IL1RAPL2: variants seen among roughly 807,000 people sequenced by gnomAD.
The protein encoded by IL1RAPL2 is X-linked interleukin-1 receptor accessory protein-like 2.
In IL1RAPL2, 3 loss-of-function variants were observed where a neutral mutation model predicts 44.1. The ratio of observed to expected loss-of-function variants is 0.07; its 90% CI spans 0.03 to 0.18. The LOEUF (loss-of-function observed/expected upper bound fraction) is 0.18. Ranked by LOEUF, IL1RAPL2 falls within the 10% of genes least tolerant of loss-of-function variation. IL1RAPL2 has a pLI of 1.00. For synonymous variants in IL1RAPL2, 181 were observed against 178.8 expected (o/e 1.01, Z -0.10); for missense variants, 391 against 496.4 (o/e 0.79, Z 2.02).
At chrX:105,647,291 A>C (rs1296597151) in intron 6 of IL1RAPL2, among the ~76,000 whole-genome samples, 1 of 111,755 alleles carries the variant, frequency 8.9e-6, no homozygotes, top group Non-Finnish European at 1.9e-5. Context: ...CCAGAAAAAA[A>C]CAAGGACCAG....
intron 1 of IL1RAPL2, among the ~76,000 whole-genome samples, chrX:104,618,220 T>C (rs943435584): frequency 9.0e-6 from 1 of 111,620 alleles, no homozygotes; most frequent in Non-Finnish European, 1.9e-5. Flanking sequence ...CTGTGGCCAA[T>C]GCAGTGGGGT....
intron 2 of IL1RAPL2, among the ~76,000 whole-genome samples, chrX:104,846,255 G>C (rs1922048136): frequency 9.1e-6 from 1 of 110,198 alleles, no homozygotes; most frequent in Admixed American, 9.7e-5. Context: ...ACACAGGTTT[G>C]TTACATATGT....
chrX:104,874,344 T>A (rs1240535237), intron 2 of IL1RAPL2, among the ~76,000 whole-genome samples: 1 of 100,642 alleles, frequency 9.9e-6, no homozygotes, highest in Non-Finnish European at 2.0e-5. Context: ...ATAGATAGGA[T>A]CATGGGCAGG....
intron 5 of IL1RAPL2, among the ~76,000 whole-genome samples, chrX:105,472,068 G>A (rs1178518881): frequency 9.2e-6 from 1 of 108,968 alleles, no homozygotes; most frequent in Non-Finnish European, 1.9e-5. Flanking sequence ...TGAGGGGTGG[G>A]ATGGAGGGGT....
chrX:104,981,791 T>A (rs531311523), intron 2 of IL1RAPL2, among the ~76,000 whole-genome samples: 109 of 111,596 alleles, frequency 9.8e-4, no homozygotes, highest in African/African-American at 3.5e-3. Context: ...CATGAAAGGA[T>A]GTTGGCTTTT....
At chrX:104,905,745 C>A (rs1310076190) in intron 2 of IL1RAPL2, among the ~76,000 whole-genome samples, 1 of 111,206 alleles carries the variant, frequency 9.0e-6, no homozygotes, top group East Asian at 2.8e-4. Flanking sequence ...TGTGATGCCT[C>A]CAGCTTTGTT....
At chrX:105,276,817 A>G (rs1430350159) in intron 5 of IL1RAPL2, among the ~76,000 whole-genome samples, 1 of 111,778 alleles carries the variant, frequency 8.9e-6, no homozygotes, top group African/African-American at 3.3e-5. Context: ...CATCTCTAGC[A>G]GTGAGTGGAA....
At chrX:105,345,065 A>T (rs6523839) in intron 5 of IL1RAPL2, among the ~76,000 whole-genome samples, 14,475 of 111,336 alleles carry the variant, frequency 0.13, 2,278 homozygotes, top group African/African-American at 0.45. Flanking sequence ...AAAGATTTAT[A>T]AGGTACAATC....
intron 2 of IL1RAPL2, among the ~76,000 whole-genome samples, chrX:104,911,065 T>C (rs1430014852): frequency 8.9e-6 from 1 of 112,051 alleles, no homozygotes; most frequent in Non-Finnish European, 1.9e-5. Context: ...ATAGAATGTA[T>C]AATTGATCAA....
At chrX:105,031,697 A>C (rs966603716) in intron 2 of IL1RAPL2, among the ~76,000 whole-genome samples, 89 of 111,802 alleles carry the variant, frequency 8.0e-4, no homozygotes, top group Non-Finnish European at 2.1e-4. Context: ...ATATTGGTCT[A>C]AAATTCTCTT....
At chrX:105,486,175 T>C (rs1389444695) in intron 6 of IL1RAPL2, among the ~76,000 whole-genome samples, 1 of 112,003 alleles carries the variant, frequency 8.9e-6, no homozygotes, top group Non-Finnish European at 1.9e-5. Context: ...AGATGATACC[T>C]CCTTGTAGTT....
chrX:105,456,963 T>C (rs188758100), intron 5 of IL1RAPL2, among the ~76,000 whole-genome samples: 1 of 109,067 alleles, frequency 9.2e-6, no homozygotes, highest in African/African-American at 3.3e-5. Context: ...TCTGTAGATT[T>C]CACTTAAAAA....
At chrX:104,803,664 C>A (rs1473537941) in intron 2 of IL1RAPL2, among the ~76,000 whole-genome samples, 2 of 112,444 alleles carry the variant, frequency 1.8e-5, no homozygotes, top group Non-Finnish European at 3.8e-5. Flanking sequence ...CCAGGCCAAT[C>A]AGTCTGAAGA....
intron 2 of IL1RAPL2, among the ~76,000 whole-genome samples, chrX:104,854,903 A>G (rs1922317244): frequency 9.0e-6 from 1 of 111,706 alleles, no homozygotes; most frequent in Admixed American, 9.5e-5. Context: ...GTTTACCAGA[A>G]GAAGAGAACA....
chrX:104,716,428 T>C lies in IL1RAPL2; in HGVS notation c.82+57433T>C, dbSNP rs1281643777. Reference sequence around the variant, plus strand: ...TGCAACAAAAGCAAAAATTGACAAATTGGATCTAATTAAACTAAAGAGCTT... The same window carrying C: ...TGCAACAAAAGCAAAAATTGACAAACTGGATCTAATTAAACTAAAGAGCTT... On this transcript the variant is annotated intron_variant, in intron 2 of 10. Transcript: ENST00000372582. Among the ~76,000 whole-genome samples the C allele has an allele frequency of 2.7e-5, 3 of 111,016 alleles. No individual in the cohort carries two copies. In the East Asian group the frequency reaches 8.6e-4, roughly 32 times the overall value.
intron 5 of IL1RAPL2, among the ~76,000 whole-genome samples, chrX:105,360,679 A>G (rs2035241062): frequency 9.0e-6 from 1 of 110,966 alleles, no homozygotes; most frequent in South Asian, 3.8e-4. Context: ...GAATAGTGTT[A>G]TAGGCAGAGA....
rs754357148 is a variant in IL1RAPL2, at chrX:105,744,604, C to T, written c.1048+3913C>T. 1.2e-4 allele frequency among the ~76,000 whole-genome samples: 13 copies of T among 111,471 alleles called. 1 individual carries two copies. Among genetic ancestry groups the T allele is most frequent in the Admixed American group, 8.6e-4 (9 of 10,502 alleles). On this transcript the variant is annotated intron_variant, in intron 8 of 10. Transcript: ENST00000372582. The stretch of plus-strand genomic sequence containing the variant: ...TTAAGTGATCATCATGGAGAAGAAA[C>T]ATGATGCATCCTTTCATTAAGTGAA...
At chrX:105,141,213 T>C (rs1405942046) in intron 2 of IL1RAPL2, among the ~76,000 whole-genome samples, 1 of 111,433 alleles carries the variant, frequency 9.0e-6, no homozygotes, top group African/African-American at 3.3e-5. Flanking sequence ...ATAGGCTATA[T>C]GTAATTCTAC....
chrX:104,684,196 T>A (rs1330482148), intron 2 of IL1RAPL2, among the ~76,000 whole-genome samples: 3 of 111,900 alleles, frequency 2.7e-5, no homozygotes, highest in African/African-American at 9.8e-5. Context: ...CACTGATCTG[T>A]GGTTCAAAGT....
Sources: allele counts gnomAD v4.1 joint callset (sites outside exome capture counted in the v4.1 genomes callset), GRCh38; gene constraint gnomAD v4.1.1; transcripts MANE v1.5; gene names NCBI Gene and HGNC (gene_info 2026-07-23, HGNC 2026-07-21).